Variants in FAM47E observed in about 807,000 individuals in gnomAD.
The protein encoded by FAM47E is family with sequence similarity 47 member E, also known as protein FAM47E.
FAM47E carries 32 observed loss-of-function variants against 41.6 expected under a neutral mutation model. That is an observed-to-expected ratio of 0.77 (90% CI 0.58 to 1.03). The LOEUF is 1.03. Among genes scored for constraint, FAM47E ranks in the 50% least tolerant of loss-of-function variants. The probability of loss-of-function intolerance (pLI) is 0.00; values close to 1 mark genes in which losing one functional copy is unlikely to be tolerated. For missense variants in FAM47E, 424 were observed against 485.4 expected (o/e 0.87, Z 1.19); for synonymous variants, 184 against 188.7 (o/e 0.98, Z 0.20).
intron 2 of FAM47E, among the ~76,000 whole-genome samples, chr4:76,223,348 G>A (rs1733341764): frequency 6.6e-6 from 1 of 152,122 alleles, no homozygotes; most frequent in Admixed American, 6.5e-5. Flanking sequence ...TCTGCATCCT[G>A]GGGAGTGGTA....
At chr4:76,243,858 C>T (rs1733763417) in intron 2 of FAM47E, among the ~76,000 whole-genome samples, 1 of 152,130 alleles carries the variant, frequency 6.6e-6, no homozygotes. Flanking sequence ...CCATCACCTA[C>T]ATCAGGTATT....
At chr4:76,278,646 A>C (rs1735226273) in intron 6 of FAM47E, 2 of 196,694 alleles carry the variant, frequency 1.0e-5, no homozygotes, top group Non-Finnish European at 2.0e-5. Context: ...TCAAAATTTC[A>C]ACCAGGAAAT....
chr4:76,263,751 G>A lies in FAM47E; in HGVS notation c.468G>A (p.Glu156=), dbSNP rs1484261713. 1 of 1,551,510 alleles carries A rather than the reference G, an allele frequency of 6.4e-7. No individual in the cohort carries two copies. The highest frequency in any genetic ancestry group is 2.4e-5 in the East Asian group (1 of 40,924). ...TGCTTGATCCTGACCGGAAGCTGGA[G>A]GACACATGGGCTTATTGTCAGGACA... ...LEVLDPDRKL[E]DTWAYCQDTR... is the part of the protein sequence containing the mutation. The change falls in exon 3 of 8, where the codon GAG becomes GAA. Residue 156 remains glutamate (E), a synonymous_variant. Coordinates refer to ENST00000424749, the MANE Select transcript of FAM47E (RefSeq NM_001136570.3).
intron 2 of FAM47E, among the ~76,000 whole-genome samples, chr4:76,235,650 A>G (rs1415884442): frequency 6.6e-6 from 1 of 152,242 alleles, no homozygotes; most frequent in Admixed American, 6.5e-5. Flanking sequence ...TCAACCTGTT[A>G]AGAGAAGAGA....
In FAM47E at chr4:76,283,623, T is replaced by G. The variant is rs962840072; in HGVS notation, c.*165T>G. 3.7e-6 allele frequency: 2 copies of G among 535,028 alleles called. No homozygotes were observed. Among genetic ancestry groups the G allele is most frequent in the South Asian group, 2.6e-5 (1 of 37,920 alleles). The allele number at this position is 535,028 out of a possible 1,614,324, so 33.1% of individuals were successfully genotyped here. ...TGTAATACCTGATGGTTATAAGCAT[T>G]TCTCAATGGATTTCTGCTTCAGTTA... On this transcript the variant is annotated 3_prime_UTR_variant, in exon 8 of 8. Transcript: ENST00000424749.
chr4:76,256,324 T>C lies in FAM47E; in HGVS notation c.221T>C (p.Phe74Ser). Residue 74 changes from phenylalanine to serine, a missense_variant, in exon 2 of 8, where the codon TTT becomes TCT. Transcript: ENST00000424749. ...GTGACTCAGGTCCCTGTGGAGGGCT[T>C]TCTGCCCCAGATTTATCACAGAGCT... ...GLVTQVPVEG[F>S]LPQIYHRAPQ... is the part of the protein sequence containing the mutation. 6.4e-7 allele frequency: 1 copy of C among 1,551,678 alleles called. No individual in the cohort carries two copies. The highest frequency in any genetic ancestry group is 8.7e-7 in the Non-Finnish European group (1 of 1,146,994).
intron 2 of FAM47E, among the ~76,000 whole-genome samples, chr4:76,246,186 C>G (rs1348341327): frequency 6.6e-6 from 1 of 152,124 alleles, no homozygotes; most frequent in Non-Finnish European, 1.5e-5. Flanking sequence ...TGGTAAATAG[C>G]CACTGCTCTG....
chr4:76,269,613 C>G (rs1734797574), intron 4 of FAM47E: 1 of 102,758 alleles, frequency 9.7e-6, no homozygotes. Flanking sequence ...GAGACTCCGT[C>G]TTAAAAAAAT....
chr4:76,234,523 A>C (rs1023660870), intron 2 of FAM47E: 4 of 152,266 alleles, frequency 2.6e-5, no homozygotes, highest in Non-Finnish European at 5.9e-5. Context: ...TACGGTTGGA[A>C]TCCTAGGTTC....
At chr4:76,227,128 T>C (rs1733412164) in intron 2 of FAM47E, among the ~76,000 whole-genome samples, 1 of 152,206 alleles carries the variant, frequency 6.6e-6, no homozygotes, top group African/African-American at 2.4e-5. Context: ...GAGTGTCTAT[T>C]TGTGCTCTTT....
chr4:76,279,259 C>T (rs1735253041), intron 6 of FAM47E: 1 of 152,086 alleles, frequency 6.6e-6, no homozygotes, highest in South Asian at 2.1e-4. Flanking sequence ...ATTCCAGTTG[C>T]ACTTTTATTA....
At chr4:76,225,714 C>A (rs1481531404) in intron 2 of FAM47E, among the ~76,000 whole-genome samples, 1 of 152,184 alleles carries the variant, frequency 6.6e-6, no homozygotes, top group Non-Finnish European at 1.5e-5. Flanking sequence ...AGTTAAACCA[C>A]CCCTGTATCC....
Position 76,237,186 on chromosome 4 carries a change from C to T in FAM47E, c.81+19498C>T, listed in dbSNP as rs1194722168. ...CTGGGCTTACAGGTGTGAGCCACCG[C>T]GCCTGGCCATAAAATGTTTCTTATC... On this transcript the variant is annotated intron_variant, in intron 2 of 7. Coordinates refer to the FAM47E transcript ENST00000510197. 4.6e-5 allele frequency among the ~76,000 whole-genome samples: 7 copies of T among 151,932 alleles called. No homozygotes were observed. The East Asian group carries it at 5.8e-4, about 13-fold the overall frequency.
At chr4:76,239,529 T>G (rs1403216868) in intron 2 of FAM47E, among the ~76,000 whole-genome samples, 1 of 152,228 alleles carries the variant, frequency 6.6e-6, no homozygotes, top group Non-Finnish European at 1.5e-5. Flanking sequence ...TTGTATATCT[T>G]CTTGGAGAAA....
chr4:76,273,473 G>A lies in FAM47E; in HGVS notation c.870+1705G>A, dbSNP rs1734974529. 1.3e-5 allele frequency among the ~76,000 whole-genome samples: 2 copies of A among 152,188 alleles called. 1 individual carries two copies. The highest frequency in any genetic ancestry group is 4.1e-4 in the South Asian group (2 of 4,836). On this transcript the variant is annotated intron_variant, in intron 5 of 7. Coordinates refer to ENST00000424749, the MANE Select transcript of FAM47E (RefSeq NM_001136570.3). ...GCCTTCCTGTCTTCTTGGTTGTACT[G>A]TTTCTAGGAGAAATCTTATATCATC...
exon 2 of FAM47E, chr4:76,217,646 G>T: frequency 1.5e-6 from 1 of 655,098 alleles, no homozygotes; most frequent in South Asian, 1.7e-5. Flanking sequence ...CCAGCCTGCA[G>T]AACCATGAGC....
intron 1 of FAM47E, among the ~76,000 whole-genome samples, chr4:76,255,267 T>C (rs1027614649): frequency 1.3e-5 from 2 of 152,200 alleles, no homozygotes; most frequent in African/African-American, 2.4e-5. Flanking sequence ...GTTTTGTTTT[T>C]TAACTTCTTT....
chr4:76,249,451 C>A (rs1483222376), upstream of FAM47E, among the ~76,000 whole-genome samples: 16 of 152,140 alleles, frequency 1.1e-4, no homozygotes, highest in Non-Finnish European at 2.4e-4. Context: ...GGAAACTCTA[C>A]CTCTTGCTTG....
chr4:76,214,103 C>G, exon 1 of FAM47E: 1 of 405,034 alleles, frequency 2.5e-6, no homozygotes, highest in South Asian at 1.8e-5. Context: ...TTCACACACT[C>G]ATTTACTCAT....
Sources: allele counts gnomAD v4.1 joint callset (sites outside exome capture counted in the v4.1 genomes callset), GRCh38; gene constraint gnomAD v4.1.1; transcripts MANE v1.5; gene names NCBI Gene and HGNC (gene_info 2026-07-23, HGNC 2026-07-21).